Variants in MMP16 observed in about 807,000 individuals in gnomAD.
MMP16 encodes matrix metallopeptidase 16.
MMP16 carries 12 observed loss-of-function variants against 67.8 expected under a neutral mutation model. That is an observed-to-expected ratio of 0.18 (90% CI 0.11 to 0.29). The LOEUF (loss-of-function observed/expected upper bound fraction) is 0.29, where lower values mean the gene tolerates loss of function less well. Among genes scored for constraint, MMP16 ranks in the 10% least tolerant of loss-of-function variants. The pLI is 1.00. For missense variants in MMP16, 475 were observed against 765.7 expected (o/e 0.62, Z 4.48); for synonymous variants, 249 against 255.9 (o/e 0.97, Z 0.26).
intron 6 of MMP16, among the ~76,000 whole-genome samples, chr8:88,083,530 A>G (rs1808787056): frequency 6.6e-6 from 1 of 152,144 alleles, no homozygotes. Flanking sequence ...GCAATTGGGT[A>G]TAATATACAG....
chr8:88,143,583 T>C (rs781244697), intron 4 of MMP16, among the ~76,000 whole-genome samples: 3 of 152,094 alleles, frequency 2.0e-5, no homozygotes, highest in Non-Finnish European at 4.4e-5. Flanking sequence ...GGAAACGTGC[T>C]ATATATCTTG....
intron 1 of MMP16, among the ~76,000 whole-genome samples, chr8:88,283,895 A>G (rs1406551519): frequency 1.3e-5 from 2 of 152,246 alleles, no homozygotes; most frequent in African/African-American, 4.8e-5. Flanking sequence ...GGCCTGACCA[A>G]TGCCAACAAG....
At chr8:88,109,040 A>G (rs530538536) in intron 6 of MMP16, among the ~76,000 whole-genome samples, 1 of 151,522 alleles carries the variant, frequency 6.6e-6, no homozygotes, top group South Asian at 2.1e-4. Context: ...ACAATCAAGA[A>G]CTTCTCTCAT....
At chr8:88,233,346 T>C (rs1318136546) in intron 1 of MMP16, among the ~76,000 whole-genome samples, 1 of 152,134 alleles carries the variant, frequency 6.6e-6, no homozygotes, top group African/African-American at 2.4e-5. Context: ...GACACCACTC[T>C]CCTTATTGGC....
intron 2 of MMP16, among the ~76,000 whole-genome samples, chr8:88,191,782 A>T (rs894993225): frequency 6.6e-6 from 1 of 152,062 alleles, no homozygotes; most frequent in Admixed American, 6.6e-5. Flanking sequence ...TCACTGCATG[A>T]CTCTTAAGAG....
chr8:88,145,810 T>C (rs934900057), intron 4 of MMP16, among the ~76,000 whole-genome samples: 13 of 151,876 alleles, frequency 8.6e-5, no homozygotes, highest in African/African-American at 2.9e-4. Flanking sequence ...GAGGATGATT[T>C]TACCTCCTAG....
At chr8:88,147,018 A>C (rs538224106) in intron 4 of MMP16, among the ~76,000 whole-genome samples, 1 of 152,026 alleles carries the variant, frequency 6.6e-6, no homozygotes, top group African/African-American at 2.4e-5. Flanking sequence ...CAGATAGTAG[A>C]ATTTTAATTT....
chr8:88,226,876 GTATTTATTTATTTATT>G (rs33911567), intron 1 of MMP16, among the ~76,000 whole-genome samples: 9 of 148,454 alleles, frequency 6.1e-5, no homozygotes, highest in South Asian at 2.2e-4. Context: ...CAGCCTACAC[GTATTTATTTATTTATT>G]TATTTATTTA....
At chr8:88,063,096 G>A (rs1249562611) in intron 7 of MMP16, among the ~76,000 whole-genome samples, 2 of 152,052 alleles carry the variant, frequency 1.3e-5, no homozygotes, top group African/African-American at 4.8e-5. Context: ...ATATCAACAA[G>A]TTAGAACTAA....
At chr8:88,078,282 A>T (rs146490720) in intron 6 of MMP16, among the ~76,000 whole-genome samples, 81 of 152,328 alleles carry the variant, frequency 5.3e-4, no homozygotes, top group African/African-American at 1.9e-3. Flanking sequence ...TTCACTTAAG[A>T]TACAAGCACT....
chr8:88,310,869 C>T (rs564635374), intron 1 of MMP16, among the ~76,000 whole-genome samples: 8 of 151,956 alleles, frequency 5.3e-5, no homozygotes, highest in Non-Finnish European at 8.8e-5. Context: ...CACAGGAAGA[C>T]CAAAACTCAA....
At chr8:88,272,763 C>T (rs1414516249) in intron 1 of MMP16, among the ~76,000 whole-genome samples, 2 of 152,096 alleles carry the variant, frequency 1.3e-5, no homozygotes, top group Non-Finnish European at 2.9e-5. Flanking sequence ...GAACATTGAT[C>T]GCTAGTGAAA....
chr8:88,206,465 A>G (rs1809428300), intron 1 of MMP16, among the ~76,000 whole-genome samples: 1 of 152,082 alleles, frequency 6.6e-6, no homozygotes, highest in Admixed American at 6.6e-5. Context: ...CCTGTTAGGA[A>G]ACCGCATGTC....
chr8:88,327,381 G>A lies in MMP16; in HGVS notation c.-175C>T. On this transcript the variant is annotated 5_prime_UTR_variant, in exon 1 of 10. Transcript: ENST00000286614. ...AGGGGCCCCGCGCTCGGCAGCCCCCGAGAGGCAGCGGCGAAGACAGGGTCA... is the reference window on the plus strand; with the variant it reads ...AGGGGCCCCGCGCTCGGCAGCCCCCAAGAGGCAGCGGCGAAGACAGGGTCA... 3 of 671,940 alleles carry A rather than the reference G, an allele frequency of 4.5e-6. No individual in the cohort carries two copies. The highest frequency in any genetic ancestry group is 2.9e-5 in the East Asian group (1 of 34,580). The allele number at this position is 671,940 out of a possible 1,614,324, so 41.6% of individuals were successfully genotyped here. A position where few individuals can be genotyped will look rare whatever the true frequency, so the allele number is the denominator to read the frequency against.
intron 4 of MMP16, among the ~76,000 whole-genome samples, chr8:88,156,585 A>C (rs1165563764): frequency 6.6e-6 from 1 of 152,130 alleles, no homozygotes; most frequent in Non-Finnish European, 1.5e-5. Flanking sequence ...GTTAGGTTTG[A>C]TAGTGGTATG....
Position 88,041,458 on chromosome 8 carries a change from A to C in MMP16, c.*3T>G, listed in dbSNP as rs761501409. On this transcript the variant is annotated 3_prime_UTR_variant, in exon 10 of 10. Transcript: ENST00000286614. This position sits in a 1 kb window ranked among gnomAD's most constrained non-coding sequence, Gnocchi z 6.0. ...AAAGAAAGAAAGAAGAAAAAACCCTACATCACACCCACTCTTGCATAGAGC... is the reference window on the plus strand; with the variant it reads ...AAAGAAAGAAAGAAGAAAAAACCCTCCATCACACCCACTCTTGCATAGAGC... 25 of 1,603,858 alleles carry C rather than the reference A, an allele frequency of 1.6e-5. No homozygotes were observed. The highest frequency in any genetic ancestry group is 3.3e-4 in the Middle Eastern group (2 of 6,024).
intron 6 of MMP16, among the ~76,000 whole-genome samples, chr8:88,109,129 T>C (rs964436860): frequency 6.6e-6 from 1 of 151,416 alleles, no homozygotes; most frequent in Non-Finnish European, 1.5e-5. Flanking sequence ...ATGTTATGAA[T>C]GTGCCAGGTT....
intron 3 of MMP16, among the ~76,000 whole-genome samples, chr8:88,177,974 G>A (rs1808920178): frequency 6.6e-6 from 1 of 151,004 alleles, no homozygotes. Context: ...ATTTAAAGAG[G>A]AATTTCTAGA....
intron 2 of MMP16, among the ~76,000 whole-genome samples, chr8:88,192,485 C>G (rs1435484306): frequency 6.6e-6 from 1 of 152,190 alleles, no homozygotes; most frequent in African/African-American, 2.4e-5. Flanking sequence ...TCCCTGCTCA[C>G]TAGCTATCAA....
Sources: gnomAD v4.1 joint callset for allele counts (sites outside exome capture counted in the v4.1 genomes callset) on GRCh38, gnomAD v4.1.1 for gene constraint, Gnocchi (gnomAD v3.1) non-coding constraint, MANE v1.5 for transcripts, NCBI Gene and HGNC (gene_info 2026-07-23, HGNC 2026-07-21) for gene names.